Variants in EHBP1 observed in about 807,000 individuals in gnomAD.
The protein encoded by EHBP1 is EH domain-binding protein 1.
A neutral mutation model predicts 144.0 loss-of-function variants in EHBP1; 55 were observed. The ratio of observed to expected loss-of-function variants is 0.38; its 90% CI spans 0.31 to 0.48. The LOEUF is 0.48. Ranked by LOEUF, EHBP1 falls within the 20% of genes least tolerant of loss-of-function variation. EHBP1 has a pLI of 0.98. For synonymous variants in EHBP1, 469 were observed against 472.7 expected (o/e 0.99, Z 0.10); for missense variants, 1,200 against 1,364.2 (o/e 0.88, Z 1.90).
chr2:62,818,004 T>C (rs1291329725), intron 5 of EHBP1, among the ~76,000 whole-genome samples: 1 of 151,942 alleles, frequency 6.6e-6, no homozygotes, highest in Non-Finnish European at 1.5e-5. Context: ...GCTCCTGTCA[T>C]AAAAGTGGAC....
chr2:62,814,802 A>C (rs1387726176), intron 5 of EHBP1, among the ~76,000 whole-genome samples: 1 of 152,208 alleles, frequency 6.6e-6, no homozygotes, highest in Non-Finnish European at 1.5e-5. Context: ...ACAATACTAC[A>C]TTGAAGACTT....
At chr2:62,802,051 T>C (rs1052592186) in intron 5 of EHBP1, among the ~76,000 whole-genome samples, 2 of 152,232 alleles carry the variant, frequency 1.3e-5, no homozygotes, top group African/African-American at 2.4e-5. Flanking sequence ...TTAACCACTC[T>C]GAACACCTTC....
chr2:62,800,316 C>G (rs1011706465), intron 5 of EHBP1, among the ~76,000 whole-genome samples: 2 of 152,078 alleles, frequency 1.3e-5, no homozygotes, highest in African/African-American at 4.8e-5. Flanking sequence ...TTCTTTCTTT[C>G]TTTAATGTTA....
At chr2:62,712,883 A>T (rs569641225) in intron 2 of EHBP1, among the ~76,000 whole-genome samples, 2 of 152,220 alleles carry the variant, frequency 1.3e-5, no homozygotes, top group Non-Finnish European at 2.9e-5. Context: ...ATCTGTTTAC[A>T]AAAATGAGCA....
At chr2:62,988,111 C>CAAT (rs562294784) in intron 15 of EHBP1, 8 of 810,412 alleles carry the variant, frequency 9.9e-6, no homozygotes, top group Non-Finnish European at 1.6e-5. Flanking sequence ...ATTATCTCAT[C>CAAT]AATAATAATA....
At chr2:62,992,456 A>C (rs541559733) in intron 16 of EHBP1, among the ~76,000 whole-genome samples, 1 of 152,266 alleles carries the variant, frequency 6.6e-6, no homozygotes, top group South Asian at 2.1e-4. Context: ...GTAGTCTTTA[A>C]AGTTATTCCA....
intron 1 of EHBP1, among the ~76,000 whole-genome samples, chr2:62,678,479 T>C (rs1159876578): frequency 3.3e-5 from 5 of 152,226 alleles, no homozygotes; most frequent in Non-Finnish European, 1.5e-5. Context: ...AGAAGCTTTT[T>C]ACAGGTTGTG....
intron 9 of EHBP1, among the ~76,000 whole-genome samples, chr2:62,869,679 A>G (rs914048064): frequency 6.6e-6 from 1 of 152,224 alleles, no homozygotes; most frequent in Non-Finnish European, 1.5e-5. Context: ...GGGACTGGAA[A>G]TGTTTGGAAA....
At chr2:63,015,406 C>G (rs2060444614) in intron 19 of EHBP1, among the ~76,000 whole-genome samples, 1 of 152,074 alleles carries the variant, frequency 6.6e-6, no homozygotes, top group Non-Finnish European at 1.5e-5. Context: ...ATTTAGTGTG[C>G]TATTTCTATG....
chr2:62,934,484 A>T (rs113324590), intron 10 of EHBP1, among the ~76,000 whole-genome samples: 5 of 152,100 alleles, frequency 3.3e-5, no homozygotes, highest in Non-Finnish European at 5.9e-5. Flanking sequence ...TTTGACGGAA[A>T]ATGTATACAA....
intron 7 of EHBP1, among the ~76,000 whole-genome samples, chr2:62,849,655 C>A (rs2048543175): frequency 6.6e-6 from 1 of 151,970 alleles, no homozygotes; most frequent in Non-Finnish European, 1.5e-5. Flanking sequence ...ATTTTATATC[C>A]TCCTGCCTTT....
chr2:62,899,472 T>G (rs539783473), intron 10 of EHBP1, among the ~76,000 whole-genome samples: 10 of 152,348 alleles, frequency 6.6e-5, no homozygotes, highest in African/African-American at 2.2e-4. Flanking sequence ...TTTTGCAGTT[T>G]ATAGGCTCTC....
chr2:62,807,700 A>G (rs1472304923), intron 5 of EHBP1, among the ~76,000 whole-genome samples: 2 of 152,258 alleles, frequency 1.3e-5, no homozygotes, highest in South Asian at 4.1e-4. Flanking sequence ...AAGCAGATCT[A>G]CTGGCAACAA....
intron 3 of EHBP1, among the ~76,000 whole-genome samples, chr2:62,762,138 C>T (rs1426691736): frequency 1.3e-5 from 2 of 152,106 alleles, no homozygotes; most frequent in Non-Finnish European, 1.5e-5. Context: ...ACCCAGTGAC[C>T]GTTTTTCAGG....
chr2:62,817,198 C>T (rs931347290), intron 5 of EHBP1, among the ~76,000 whole-genome samples: 13 of 151,908 alleles, frequency 8.6e-5, no homozygotes, highest in Non-Finnish European at 7.4e-5. Flanking sequence ...CATATTTGCT[C>T]ATGTAAGTTA....
At chr2:62,771,014 G>A (rs1405783727) in intron 4 of EHBP1, among the ~76,000 whole-genome samples, 1 of 152,136 alleles carries the variant, frequency 6.6e-6, no homozygotes, top group Admixed American at 6.5e-5. Flanking sequence ...AAGTTGAAGG[G>A]TGAAGGGTGG....
At chr2:63,038,868 GAT>G (rs1453534515) in intron 21 of EHBP1, 52 bp downstream of exon 21, 1 of 1,527,466 alleles carries the variant, frequency 6.5e-7, no homozygotes, top group Admixed American at 1.7e-5. Context: ...TTGTCAAAGA[GAT>G]TTAAAGAATA....
At chr2:62,996,312 T>G (rs1335807976) in intron 18 of EHBP1, among the ~76,000 whole-genome samples, 1 of 152,114 alleles carries the variant, frequency 6.6e-6, no homozygotes, top group Non-Finnish European at 1.5e-5. Flanking sequence ...AAGGGGAAAA[T>G]TATCTTCTTT....
At chr2:62,690,364 T>C (rs1428740278) in intron 1 of EHBP1, among the ~76,000 whole-genome samples, 2 of 152,000 alleles carry the variant, frequency 1.3e-5, no homozygotes, top group Non-Finnish European at 2.9e-5. Flanking sequence ...GAGTTCAAGA[T>C]GGACCTGGCC....
Sources: gnomAD v4.1 joint callset for allele counts (sites outside exome capture counted in the v4.1 genomes callset) on GRCh38, gnomAD v4.1.1 for gene constraint, MANE v1.5 for transcripts, NCBI Gene and HGNC (gene_info 2026-07-23, HGNC 2026-07-21) for gene names.